PRKCA: variants seen among roughly 807,000 people sequenced by gnomAD.
PRKCA encodes protein kinase C alpha.
Under a neutral mutation model 87.0 loss-of-function variants are expected in PRKCA, and 27 were observed. The observed-to-expected ratio is 0.31, with a 90% CI of 0.23 to 0.43. The LOEUF is 0.43. PRKCA is among the 20% of genes least tolerant of loss of function. The pLI, the probability that PRKCA is intolerant of heterozygous loss-of-function variation, is 1.00. For missense variants in PRKCA, 518 were observed against 852.3 expected, an observed-to-expected ratio of 0.61 and a Z score of 4.88; for synonymous variants, 329 against 311.1, an observed-to-expected ratio of 1.06 and a Z score of -0.61.
intron 3 of PRKCA, among the ~76,000 whole-genome samples, chr17:66,629,172 G>A (rs1256633190): frequency 1.3e-5 from 2 of 152,238 alleles, no homozygotes; most frequent in Non-Finnish European, 2.9e-5. Flanking sequence ...GGACTTGGCA[G>A]TCGAGAAAAA....
intron 3 of PRKCA, among the ~76,000 whole-genome samples, chr17:66,545,128 G>T (rs1262050387): frequency 6.6e-6 from 1 of 152,018 alleles, no homozygotes; most frequent in Non-Finnish European, 1.5e-5. Flanking sequence ...TGCTGCAGGA[G>T]TTTAATACAG....
intron 2 of PRKCA, among the ~76,000 whole-genome samples, chr17:66,490,624 G>A (rs1308205117): frequency 2.0e-5 from 3 of 151,478 alleles, no homozygotes; most frequent in Admixed American, 6.6e-5. Flanking sequence ...CACCCAGGCT[G>A]GACTGGAGTG....
intron 13 of PRKCA, among the ~76,000 whole-genome samples, chr17:66,747,195 G>T (rs1428102303): frequency 6.6e-6 from 1 of 151,990 alleles, no homozygotes; most frequent in Non-Finnish European, 1.5e-5. Flanking sequence ...TCAACCTCTT[G>T]GGTAACTGGG....
At chr17:66,766,275 T>C (rs1348705549) in intron 13 of PRKCA, among the ~76,000 whole-genome samples, 1 of 152,154 alleles carries the variant, frequency 6.6e-6, no homozygotes, top group Non-Finnish European at 1.5e-5. Flanking sequence ...CAACTTGTTG[T>C]AGAACTTAAA....
At chr17:66,627,643 G>A (rs1970892809) in intron 3 of PRKCA, among the ~76,000 whole-genome samples, 1 of 152,208 alleles carries the variant, frequency 6.6e-6, no homozygotes. Context: ...CCCAGTCACA[G>A]CTATAAAACC....
At chr17:66,722,873 A>G (rs1277313146) in intron 8 of PRKCA, among the ~76,000 whole-genome samples, 2 of 152,200 alleles carry the variant, frequency 1.3e-5, no homozygotes, top group African/African-American at 4.8e-5. Context: ...ATTTAATGTC[A>G]CTTCATTCTA....
intron 13 of PRKCA, among the ~76,000 whole-genome samples, chr17:66,772,121 T>C (rs374450269): frequency 1.3e-5 from 2 of 152,272 alleles, no homozygotes; most frequent in African/African-American, 4.8e-5. Flanking sequence ...TGCAACTCCT[T>C]TGATGCAAAA....
At chr17:66,596,113 G>T (rs567625173) in intron 3 of PRKCA, among the ~76,000 whole-genome samples, 1 of 152,240 alleles carries the variant, frequency 6.6e-6, no homozygotes, top group African/African-American at 2.4e-5. Flanking sequence ...ACTTCTTTCC[G>T]TGTGCTTGCT....
At chr17:66,747,939 A>C (rs1250033488) in intron 13 of PRKCA, among the ~76,000 whole-genome samples, 2 of 152,230 alleles carry the variant, frequency 1.3e-5, no homozygotes, top group Non-Finnish European at 2.9e-5. Context: ...GGCCAGAAAG[A>C]GGAGCCCAGA....
intron 2 of PRKCA, among the ~76,000 whole-genome samples, chr17:66,396,702 C>T (rs1252663065): frequency 6.6e-6 from 1 of 150,694 alleles, no homozygotes; most frequent in African/African-American, 2.4e-5. Flanking sequence ...GATCTCCGCT[C>T]ACTGCAACCT....
intron 3 of PRKCA, among the ~76,000 whole-genome samples, chr17:66,505,212 G>A (rs1041218490): frequency 2.0e-5 from 3 of 152,114 alleles, no homozygotes; most frequent in Non-Finnish European, 4.4e-5. Context: ...TAATTTAGCC[G>A]GGAGTTAAAA....
At position 66,479,110 on chromosome 17, in the gene PRKCA, G is replaced by C. The variant is rs562365241; in HGVS notation, c.206-17091G>C. 2.0e-5 allele frequency among the ~76,000 whole-genome samples: 3 copies of C among 152,242 alleles called. No individual in the cohort carries two copies. The East Asian group carries it at 5.8e-4, about 29-fold the overall frequency. ...ACCTACAGAATGGGAGAAAATTTTTGCAAGCTATGCATTCAGCAAAGATCT... is the reference window on the plus strand; with the variant it reads ...ACCTACAGAATGGGAGAAAATTTTTCCAAGCTATGCATTCAGCAAAGATCT... On this transcript the variant is annotated intron_variant, in intron 2 of 16. Coordinates refer to ENST00000413366, the MANE Select transcript of PRKCA (RefSeq NM_002737.3).
intron 2 of PRKCA, among the ~76,000 whole-genome samples, chr17:66,483,215 G>A (rs1358657993): frequency 6.6e-6 from 1 of 152,134 alleles, no homozygotes; most frequent in Non-Finnish European, 1.5e-5. Flanking sequence ...AAACCGGGCA[G>A]CTTAAACAAC....
intron 13 of PRKCA, among the ~76,000 whole-genome samples, chr17:66,761,108 A>C (rs1974672724): frequency 6.6e-6 from 1 of 152,202 alleles, no homozygotes; most frequent in Admixed American, 6.5e-5. Flanking sequence ...GCAGTGGCTC[A>C]CACCTGTAAT....
At chr17:66,570,928 T>C (rs1235664873) in intron 3 of PRKCA, among the ~76,000 whole-genome samples, 1 of 152,122 alleles carries the variant, frequency 6.6e-6, no homozygotes, top group Non-Finnish European at 1.5e-5. Context: ...CTGAAAATAA[T>C]ATTAAATCTA....
intron 14 of PRKCA, among the ~76,000 whole-genome samples, chr17:66,780,476 GAC>G (rs2144356389): frequency 6.6e-6 from 1 of 152,234 alleles, no homozygotes; most frequent in East Asian, 1.9e-4. Flanking sequence ...GGAGTTTGTA[GAC>G]CAGCCTGGCC....
intron 2 of PRKCA, among the ~76,000 whole-genome samples, chr17:66,369,694 C>G (rs996138772): frequency 1.3e-5 from 2 of 152,192 alleles, no homozygotes. Flanking sequence ...TCTGTCCACT[C>G]TTTTCTGGGA....
chr17:66,794,914 A>G (rs1236593695), intron 16 of PRKCA, among the ~76,000 whole-genome samples: 1 of 152,138 alleles, frequency 6.6e-6, no homozygotes, highest in East Asian at 1.9e-4. Flanking sequence ...TGACCTCGGT[A>G]TCATTCTTTT....
Position 66,806,363 on chromosome 17 carries a change from T to C in PRKCA, c.*2326T>C. 1 of 152,146 alleles carries C rather than the reference T, an allele frequency of 6.6e-6. No homozygotes were observed. The highest frequency in any genetic ancestry group is 1.5e-5 in the Non-Finnish European group (1 of 68,040). The allele number at this position is 152,146 out of a possible 1,614,324, so 9.4% of individuals were successfully genotyped here. A position where few individuals can be genotyped will look rare whatever the true frequency, so the allele number is the denominator to read the frequency against. Reference sequence around the variant, plus strand: ...CGGGCCCGGCCAGAAAAGAACCATTTCTTCTGCCATCTTTTATGCACCATA... The same window carrying C: ...CGGGCCCGGCCAGAAAAGAACCATTCCTTCTGCCATCTTTTATGCACCATA... On this transcript the variant is annotated 3_prime_UTR_variant, in exon 17 of 17. Coordinates refer to ENST00000413366, the MANE Select transcript of PRKCA (RefSeq NM_002737.3).
Sources: allele counts gnomAD v4.1 joint callset (sites outside exome capture counted in the v4.1 genomes callset), GRCh38; gene constraint gnomAD v4.1.1; transcripts MANE v1.5; gene names NCBI Gene and HGNC (gene_info 2026-07-23, HGNC 2026-07-21).